Variants in THRAP3 observed in about 807,000 individuals in gnomAD.
THRAP3 encodes the protein thyroid hormone receptor associated protein 3.
Under a neutral mutation model 101.0 loss-of-function variants are expected in THRAP3, and 16 were observed. The ratio of observed to expected loss-of-function variants is 0.16; its 90% confidence interval spans 0.11 to 0.24. THRAP3 has a LOEUF of 0.24. Ranked by LOEUF, THRAP3 falls within the 10% of genes least tolerant of loss-of-function variation. The pLI is 1.00. For synonymous variants in THRAP3, 407 were observed against 422.6 expected (o/e 0.96, Z 0.45); for missense variants, 989 against 1,202.7 (o/e 0.82, Z 2.63).
chr1:36,305,018 T>C lies in THRAP3; in HGVS notation c.*1001T>C. On this transcript the variant is annotated 3_prime_UTR_variant, in exon 12 of 12. Transcript: ENST00000354618. ...TTTTTGGGTTTCTTTTTTTTTTTCT[T>C]TGTCTTTTTAACCTTAAGCTGTTTA... The C allele has an allele frequency of 4.8e-6, 1 of 209,078 alleles. No individual in the cohort carries two copies. The allele number at this position is 209,078 out of a possible 1,614,324, so 13.0% of individuals were successfully genotyped here. A position where few individuals can be genotyped will look rare whatever the true frequency, so the allele number is the denominator to read the frequency against.
At position 36,228,408 on chromosome 1, in the gene THRAP3, GAC is replaced by G. The variant is rs574880309; in HGVS notation, c.-135+3905_-135+3906del. ...AATTTTTGTATTTTTAGTAGAGACA[GAC>G]AGGGTTTCACCATGCTGGCCAGGCT... On this transcript the variant is annotated intron_variant, in intron 1 of 11. Coordinates refer to ENST00000354618, the MANE Select transcript of THRAP3 (RefSeq NM_005119.4). Among the ~76,000 whole-genome samples, 185 of 152,352 alleles carry G rather than the reference GAC, an allele frequency of 1.2e-3. 1 individual carries two copies. The highest frequency in any genetic ancestry group is 4.2e-3 in the African/African-American group (175 of 41,594).
rs1217506533 is a variant in THRAP3, at chr1:36,304,458, T to TC, written c.*441_*442insC. On this transcript the variant is annotated 3_prime_UTR_variant, in exon 12 of 12. Coordinates refer to ENST00000354618, the MANE Select transcript of THRAP3 (RefSeq NM_005119.4). ...TAAAAGCCCCCTCCTTTTTTTTTTT[T>TC]TTTTTCTTTTTTTAGGCATATGTAG... 87 of 228,028 alleles carry TC rather than the reference T, an allele frequency of 3.8e-4. No individual in the cohort carries two copies. The highest frequency in any genetic ancestry group is 1.8e-3 in the African/African-American group (81 of 44,944). The allele number at this position is 228,028 out of a possible 1,614,324, so 14.1% of individuals were successfully genotyped here. A position where few individuals can be genotyped will look rare whatever the true frequency, so the allele number is the denominator to read the frequency against.
At chr1:36,218,830 C>T in the THRAP3 span, among the ~76,000 whole-genome samples, 3 of 151,874 alleles carry the variant, frequency 2.0e-5, 1 homozygote, top group South Asian at 6.2e-4. Flanking sequence ...GTCAGGAGTT[C>T]GAGACCAGCC....
chr1:36,275,127 A>ACACG (rs1231167661), intron 2 of THRAP3, among the ~76,000 whole-genome samples: 1 of 145,578 alleles, frequency 6.9e-6, no homozygotes, highest in Non-Finnish European at 1.5e-5. Flanking sequence ...ACACACACAC[A>ACACG]CACACACACA....
chr1:36,249,454 G>A (rs959438224), intron 1 of THRAP3, among the ~76,000 whole-genome samples: 1 of 152,078 alleles, frequency 6.6e-6, no homozygotes, highest in East Asian at 1.9e-4. Flanking sequence ...GCCTCCCAAA[G>A]TGCTGAGATT....
intron 1 of THRAP3, among the ~76,000 whole-genome samples, chr1:36,234,256 A>G (rs1418413528): frequency 6.6e-6 from 1 of 152,154 alleles, no homozygotes; most frequent in Non-Finnish European, 1.5e-5. Context: ...TTTTAAAAAG[A>G]TAAAACTGAT....
intron 1 of THRAP3, among the ~76,000 whole-genome samples, chr1:36,230,453 AG>A (rs1645015722): frequency 6.7e-6 from 1 of 148,668 alleles, no homozygotes; most frequent in African/African-American, 2.5e-5. Flanking sequence ...AGTAGAGATG[AG>A]GTTTCGCCAA....
At chr1:36,241,428 T>TACACACAC (rs1553192383) in intron 1 of THRAP3, among the ~76,000 whole-genome samples, 1 of 137,860 alleles carries the variant, frequency 7.3e-6, no homozygotes, top group African/African-American at 2.9e-5. Flanking sequence ...TATATATATA[T>TACACACAC]ACACATATAT....
At chr1:36,241,033 C>T (rs1388747435) in intron 1 of THRAP3, among the ~76,000 whole-genome samples, 3 of 151,794 alleles carry the variant, frequency 2.0e-5, no homozygotes, top group East Asian at 1.9e-4. Flanking sequence ...GGTGAAACCC[C>T]GTCTCTACTA....
chr1:36,292,416 C>A (rs548849417), intron 6 of THRAP3, among the ~76,000 whole-genome samples, 182 bp from the exon 7 acceptor site: 3 of 151,098 alleles, frequency 2.0e-5, no homozygotes, highest in Admixed American at 6.6e-5. Context: ...GGACTACAGG[C>A]GCCCGCCACC....
the THRAP3 span, among the ~76,000 whole-genome samples, chr1:36,208,697 G>C: frequency 6.6e-6 from 1 of 151,942 alleles, no homozygotes; most frequent in South Asian, 2.1e-4. Flanking sequence ...ATGGAGTCTC[G>C]CTCTTTTACC....
At chr1:36,260,937 A>G (rs1262517964) in intron 2 of THRAP3, among the ~76,000 whole-genome samples, 2 of 152,134 alleles carry the variant, frequency 1.3e-5, no homozygotes, top group Middle Eastern at 3.4e-3. Flanking sequence ...GTCATTTTAC[A>G]TGTTGTGTTT....
At chr1:36,220,820 T>G (rs72906799), upstream of THRAP3, among the ~76,000 whole-genome samples, 282 of 151,410 alleles carry the variant, frequency 1.9e-3, 1 homozygote, top group African/African-American at 6.7e-3. Context: ...CTGGGTGAGG[T>G]GGCGGGTACC....
At chr1:36,228,612 T>C (rs543788900) in intron 1 of THRAP3, among the ~76,000 whole-genome samples, 94 of 152,056 alleles carry the variant, frequency 6.2e-4, no homozygotes, top group Non-Finnish European at 1.1e-3. Flanking sequence ...GGCTCGGCCT[T>C]CTAAAGTGCT....
intron 1 of THRAP3, among the ~76,000 whole-genome samples, chr1:36,237,749 T>G (rs1488739935): frequency 6.6e-6 from 1 of 151,938 alleles, no homozygotes; most frequent in Non-Finnish European, 1.5e-5. Flanking sequence ...TCAGCCTGGG[T>G]GACAAAATGA....
Position 36,293,955 on chromosome 1 carries a change from A to G in THRAP3, c.2115+20A>G, listed in dbSNP as rs1289523864. 1 of 1,608,118 alleles carries G rather than the reference A, an allele frequency of 6.2e-7. No individual in the cohort carries two copies. The highest frequency in any genetic ancestry group is 1.7e-5 in the Admixed American group (1 of 59,834). ...TACAAGGTGAACTGTTGATTTGATC[A>G]GTAATTCCAACAAAATGAGTGCGTT... On this transcript the variant is annotated intron_variant, in intron 8 of 11. Transcript: ENST00000354618.
intron 4 of THRAP3, chr1:36,288,696 G>C: frequency 1.0e-6 from 1 of 985,468 alleles, no homozygotes; most frequent in Non-Finnish European, 1.2e-6. Flanking sequence ...GATTTTAAGT[G>C]ACTGAGTGAA....
chr1:36,279,223 T>C (rs1645701716), intron 2 of THRAP3, among the ~76,000 whole-genome samples: 1 of 152,192 alleles, frequency 6.6e-6, no homozygotes, highest in Non-Finnish European at 1.5e-5. Context: ...CCCTTTTTTA[T>C]TCTTTTAAAG....
intron 1 of THRAP3, among the ~76,000 whole-genome samples, chr1:36,257,098 A>G (rs1035991795): frequency 6.6e-6 from 1 of 152,120 alleles, no homozygotes; most frequent in Non-Finnish European, 1.5e-5. Context: ...CGCTTGGCCA[A>G]CATTGCAGAC....
Sources: gnomAD v4.1 joint callset for allele counts (sites outside exome capture counted in the v4.1 genomes callset) on GRCh38, gnomAD v4.1.1 for gene constraint, MANE v1.5 for transcripts, NCBI Gene and HGNC (gene_info 2026-07-23, HGNC 2026-07-21) for gene names.